The following CDH4 variants were observed in gnomAD, a reference collection of about 807,000 sequenced individuals.
CDH4 encodes cadherin 4.
A neutral mutation model predicts 86.0 loss-of-function variants in CDH4; 33 were observed. That is an observed-to-expected ratio of 0.38 (90% CI 0.29 to 0.51). The LOEUF (loss-of-function observed/expected upper bound fraction) is 0.51. Among genes scored for constraint, CDH4 ranks in the 20% least tolerant of loss-of-function variants. CDH4 has a pLI of 0.86. For synonymous variants in CDH4, 555 were observed against 549.4 expected (o/e 1.01, Z -0.14); for missense variants, 1,114 against 1,307.4 (o/e 0.85, Z 2.28).
chr20:61,544,175 C>G lies in CDH4; in HGVS notation c.170-199388C>G, dbSNP rs2086059977. ...ATGTGGTCTCTTTAGATCTGCGGTT[C>G]TCTTTCAGAGATGATGCTGCCCCGT... is the stretch of plus-strand genomic sequence containing the variant. On this transcript the variant is annotated intron_variant, in intron 2 of 15. Coordinates refer to ENST00000614565, the MANE Select transcript of CDH4 (RefSeq NM_001794.5). The surrounding 1 kb of genome is among the most constrained non-coding windows in gnomAD (Gnocchi z 6.5). Among the ~76,000 whole-genome samples, 1 of 152,202 alleles carries G rather than the reference C, an allele frequency of 6.6e-6. No homozygotes were observed. The highest frequency in any genetic ancestry group is 2.4e-5 in the African/African-American group (1 of 41,460).
chr20:61,356,448 T>C (rs573768123), intron 2 of CDH4, among the ~76,000 whole-genome samples: 25 of 152,284 alleles, frequency 1.6e-4, no homozygotes, highest in Non-Finnish European at 2.8e-4. Flanking sequence ...TGTTGATGAG[T>C]GAAGCCAAGC....
At chr20:61,331,658 C>A (rs193255726) in intron 2 of CDH4, among the ~76,000 whole-genome samples, 690 of 145,142 alleles carry the variant, frequency 4.8e-3, no homozygotes, top group East Asian at 5.9e-3. Context: ...GCCCCAGCCA[C>A]CTGCCCCAGG....
intron 6 of CDH4, among the ~76,000 whole-genome samples, chr20:61,867,644 C>T (rs1173639303): frequency 6.6e-6 from 1 of 152,120 alleles, no homozygotes; most frequent in East Asian, 1.9e-4. Context: ...CCTCCTCCCC[C>T]CAGGCCCCTC....
chr20:61,711,077 G>A (rs1157488755), intron 2 of CDH4, among the ~76,000 whole-genome samples: 2 of 152,194 alleles, frequency 1.3e-5, no homozygotes, highest in Admixed American at 1.3e-4. Context: ...CCAGGTGGAG[G>A]TAATTGGATC....
chr20:61,761,124 G>A (rs1482958326), intron 3 of CDH4, among the ~76,000 whole-genome samples: 2 of 152,178 alleles, frequency 1.3e-5, no homozygotes, highest in Non-Finnish European at 2.9e-5. Context: ...GAAATAGGAG[G>A]TAGAGGAATG....
chr20:61,363,420 C>G (rs993658984), intron 2 of CDH4, among the ~76,000 whole-genome samples: 2 of 152,088 alleles, frequency 1.3e-5, no homozygotes, highest in Non-Finnish European at 2.9e-5. Flanking sequence ...ATCTCTCTCT[C>G]TCTCTCTCAC....
intron 4 of CDH4, among the ~76,000 whole-genome samples, chr20:61,809,909 G>A (rs1215382612): frequency 6.6e-6 from 1 of 152,098 alleles, no homozygotes; most frequent in Admixed American, 6.5e-5. Flanking sequence ...AAGAGCGTGT[G>A]CATTGCTCTC....
At chr20:61,931,003 T>C (rs1037097893) in intron 13 of CDH4, among the ~76,000 whole-genome samples, 1 of 152,194 alleles carries the variant, frequency 6.6e-6, no homozygotes, top group African/African-American at 2.4e-5. Context: ...GCATCCGCAG[T>C]GGGGCCGGGG....
chr20:61,733,390 C>T (rs948140355), intron 2 of CDH4, among the ~76,000 whole-genome samples: 5 of 152,192 alleles, frequency 3.3e-5, no homozygotes, highest in African/African-American at 9.6e-5. Context: ...GGCCTTCACA[C>T]GTGCTGTTCC....
intron 2 of CDH4, among the ~76,000 whole-genome samples, chr20:61,555,698 C>G (rs2086172215): frequency 6.6e-6 from 1 of 152,234 alleles, no homozygotes; most frequent in African/African-American, 2.4e-5. Context: ...GAATTGGACC[C>G]ATGTGGTGAG....
At chr20:61,541,076 C>T (rs527247771) in intron 2 of CDH4, among the ~76,000 whole-genome samples, 5 of 152,312 alleles carry the variant, frequency 3.3e-5, no homozygotes, top group South Asian at 2.1e-4. Context: ...CCATTTTACC[C>T]GTGTGCTCGG....
At chr20:61,758,375 G>A (rs2088591199) in intron 3 of CDH4, among the ~76,000 whole-genome samples, 1 of 152,206 alleles carries the variant, frequency 6.6e-6, no homozygotes, top group Non-Finnish European at 1.5e-5. Context: ...CTCTGCCTCG[G>A]GCCCTGGGCC....
intron 7 of CDH4, among the ~76,000 whole-genome samples, chr20:61,883,211 C>A (rs866069134): frequency 6.6e-6 from 1 of 152,192 alleles, no homozygotes; most frequent in Non-Finnish European, 1.5e-5. Flanking sequence ...TGGCAAACAG[C>A]CCTGCCTGCC....
intron 4 of CDH4, among the ~76,000 whole-genome samples, chr20:61,808,277 T>C (rs1035602294): frequency 3.3e-5 from 5 of 151,888 alleles, no homozygotes; most frequent in African/African-American, 9.7e-5. Context: ...CCACTTTGAT[T>C]TCAAACCTAA....
At chr20:61,450,726 A>C (rs1358991094) in intron 2 of CDH4, among the ~76,000 whole-genome samples, 1 of 151,786 alleles carries the variant, frequency 6.6e-6, no homozygotes, top group Non-Finnish European at 1.5e-5. Flanking sequence ...TCCAGGATTC[A>C]TTCAGCAAAC....
chr20:61,462,935 G>A (rs965700547), intron 2 of CDH4, among the ~76,000 whole-genome samples: 1 of 152,196 alleles, frequency 6.6e-6, no homozygotes. Flanking sequence ...TGGTTTGACT[G>A]TGTCCTCATC....
intron 2 of CDH4, among the ~76,000 whole-genome samples, chr20:61,541,303 A>C (rs975074390): frequency 2.0e-5 from 3 of 152,202 alleles, no homozygotes; most frequent in Admixed American, 2.0e-4. Flanking sequence ...GAGAGGCCAC[A>C]TCTCCAAGCA....
At chr20:61,936,416 A>C (rs1410088360) in intron 15 of CDH4, among the ~76,000 whole-genome samples, 1 of 2,204 alleles carries the variant, frequency 4.5e-4, no homozygotes, top group Non-Finnish European at 8.4e-4. Context: ...CCCCTCTCCC[A>C]CACCCCCCCC....
At chr20:61,445,707 T>C (rs1172334017) in intron 2 of CDH4, among the ~76,000 whole-genome samples, 2 of 152,206 alleles carry the variant, frequency 1.3e-5, no homozygotes, top group Admixed American at 6.5e-5. Flanking sequence ...TTCACAGTGC[T>C]CTCGATTTTT....
Sources: gnomAD v4.1 joint callset for allele counts (sites outside exome capture counted in the v4.1 genomes callset) on GRCh38, gnomAD v4.1.1 for gene constraint, Gnocchi (gnomAD v3.1) non-coding constraint, MANE v1.5 for transcripts, NCBI Gene and HGNC (gene_info 2026-07-23, HGNC 2026-07-21) for gene names.